ZMIZ1: variants seen among roughly 807,000 people sequenced by gnomAD.
ZMIZ1 encodes the protein zinc finger MIZ-type containing 1, also known as zinc finger MIZ domain-containing protein 1.
ZMIZ1 carries 17 observed loss-of-function variants against 113.9 expected under a neutral mutation model. The ratio of observed to expected loss-of-function variants is 0.15; its 90% CI spans 0.10 to 0.22. The LOEUF (loss-of-function observed/expected upper bound fraction) is 0.22. Among genes scored for constraint, ZMIZ1 ranks in the 10% least tolerant of loss-of-function variants. ZMIZ1 has a pLI of 1.00. For synonymous variants in ZMIZ1, 607 were observed against 603.1 expected (o/e 1.01, Z -0.09); for missense variants, 1,059 against 1,477.8 (o/e 0.72, Z 4.65).
intron 7 of ZMIZ1, among the ~76,000 whole-genome samples, chr10:79,237,550 G>A (rs541000945): frequency 6.6e-6 from 1 of 152,278 alleles, no homozygotes; most frequent in African/African-American, 2.4e-5. Context: ...CTCGCTTCTG[G>A]TAGTTTCTTG....
intron 4 of ZMIZ1, among the ~76,000 whole-genome samples, chr10:79,200,577 C>T (rs1444898182): frequency 6.6e-6 from 1 of 152,230 alleles, no homozygotes; most frequent in Non-Finnish European, 1.5e-5. Flanking sequence ...CAGTGGAAAC[C>T]GCGGGCTGGC....
chr10:79,119,218 G>A (rs1419747746), intron 2 of ZMIZ1, among the ~76,000 whole-genome samples, 194 bp downstream of exon 2: 2 of 152,206 alleles, frequency 1.3e-5, no homozygotes, highest in Non-Finnish European at 2.9e-5. Context: ...GGAGGGTGGT[G>A]AATGTCCTGA....
intron 3 of ZMIZ1, among the ~76,000 whole-genome samples, chr10:79,157,367 GGGT>G (rs869284265): frequency 6.5e-4 from 52 of 80,404 alleles, no homozygotes; most frequent in Non-Finnish European, 1.0e-3. Flanking sequence ...CAGGCATAAG[GGGT>G]GTGTGTGTGT....
At chr10:79,070,747 G>A (rs1008886658) in intron 1 of ZMIZ1, among the ~76,000 whole-genome samples, 1 of 151,884 alleles carries the variant, frequency 6.6e-6, no homozygotes. Flanking sequence ...CTGCTTCGGT[G>A]CCCGGAGCCC....
At chr10:79,191,705 T>A (rs1329588183) in intron 4 of ZMIZ1, among the ~76,000 whole-genome samples, 4 of 152,180 alleles carry the variant, frequency 2.6e-5, no homozygotes, top group South Asian at 2.1e-4. Flanking sequence ...TCTGCCATAT[T>A]CCCATGGAAA....
At chr10:79,275,352 A>C (rs2131965689) in intron 7 of ZMIZ1, among the ~76,000 whole-genome samples, 1 of 152,296 alleles carries the variant, frequency 6.6e-6, no homozygotes, top group South Asian at 2.1e-4. Context: ...TTTAAGACTT[A>C]GCTCATCCAC....
At chr10:79,074,896 G>A (rs1029409121) in intron 1 of ZMIZ1, among the ~76,000 whole-genome samples, 4 of 152,254 alleles carry the variant, frequency 2.6e-5, no homozygotes, top group Non-Finnish European at 5.9e-5. Flanking sequence ...GGCTTGGGAG[G>A]GCCCCAGGCC....
chr10:79,186,733 A>G (rs1020673599), intron 4 of ZMIZ1, among the ~76,000 whole-genome samples: 1 of 152,264 alleles, frequency 6.6e-6, no homozygotes, highest in African/African-American at 2.4e-5. Flanking sequence ...TTAAGGCAGC[A>G]GAGTGAGTTA....
intron 2 of ZMIZ1, among the ~76,000 whole-genome samples, chr10:79,122,682 TTCACACCCA>T (rs1200192365): frequency 1.3e-5 from 2 of 152,176 alleles, no homozygotes; most frequent in African/African-American, 4.8e-5. Flanking sequence ...GCGAAGTCCT[TTCACACCCA>T]TCACACCCTG....
At chr10:79,275,248 C>A (rs1852202936) in intron 7 of ZMIZ1, among the ~76,000 whole-genome samples, 1 of 152,236 alleles carries the variant, frequency 6.6e-6, no homozygotes, top group South Asian at 2.1e-4. Flanking sequence ...TCTGTGCAGA[C>A]ACACATGACA....
At chr10:79,254,217 G>C (rs1850734696) in intron 7 of ZMIZ1, among the ~76,000 whole-genome samples, 1 of 152,220 alleles carries the variant, frequency 6.6e-6, no homozygotes, top group Non-Finnish European at 1.5e-5. Context: ...CCTGTTCAGG[G>C]CCCAGCACAT....
intron 3 of ZMIZ1, among the ~76,000 whole-genome samples, chr10:79,147,716 C>G (rs149936021): frequency 1.3e-5 from 2 of 152,214 alleles, no homozygotes; most frequent in African/African-American, 2.4e-5. Context: ...AGGATGCAAC[C>G]CCTACATTGT....
intron 7 of ZMIZ1, among the ~76,000 whole-genome samples, chr10:79,229,291 C>A (rs923298403): frequency 4.6e-5 from 7 of 152,272 alleles, no homozygotes; most frequent in East Asian, 1.9e-4. Context: ...TGGAGGGAAG[C>A]AGAGCCTCCT....
chr10:79,113,792 CCCCCT>C (rs1843860737), intron 1 of ZMIZ1, among the ~76,000 whole-genome samples: 1 of 152,008 alleles, frequency 6.6e-6, no homozygotes, highest in Admixed American at 6.5e-5. Context: ...TTCCTCTGAG[CCCCCT>C]CTCCATTGAT....
At chr10:79,159,415 G>C (rs539269193) in intron 3 of ZMIZ1, among the ~76,000 whole-genome samples, 2 of 152,210 alleles carry the variant, frequency 1.3e-5, no homozygotes, top group Admixed American at 1.3e-4. Flanking sequence ...GCCCGGCGCC[G>C]TCTGGCCCTG....
intron 8 of ZMIZ1, among the ~76,000 whole-genome samples, chr10:79,281,745 G>A (rs1261357198): frequency 6.6e-6 from 1 of 152,212 alleles, no homozygotes; most frequent in Non-Finnish European, 1.5e-5. Flanking sequence ...GGAGGTGGAG[G>A]GCCTGCTAGA....
chr10:79,299,209 G>GGC lies in ZMIZ1; in HGVS notation c.1808+21_1808+22dup. 2.5e-6 allele frequency: 4 copies of GGC among 1,595,542 alleles called. No homozygotes were observed. The highest frequency in any genetic ancestry group is 3.4e-6 in the Non-Finnish European group (4 of 1,175,174). On this transcript the variant is annotated intron_variant, in intron 16 of 24. Coordinates refer to ENST00000334512, the MANE Select transcript of ZMIZ1 (RefSeq NM_020338.4). ...ATGTGGAGGTGCGTGTCAGGGCAGG[G>GGC]GCGCCAGCCCAGGCGGGATGAAGGA...
intron 6 of ZMIZ1, among the ~76,000 whole-genome samples, chr10:79,210,920 A>G (rs1240725038): frequency 1.3e-5 from 2 of 152,216 alleles, no homozygotes; most frequent in Non-Finnish European, 2.9e-5. Context: ...GGCTGGACAG[A>G]GAGGAATCCA....
intron 7 of ZMIZ1, among the ~76,000 whole-genome samples, chr10:79,269,293 A>G (rs1851793525): frequency 6.6e-6 from 1 of 152,088 alleles, no homozygotes; most frequent in Non-Finnish European, 1.5e-5. Context: ...GGAATCATGA[A>G]TCCCACTTGC....
Sources: gnomAD v4.1 joint callset for allele counts (sites outside exome capture counted in the v4.1 genomes callset) on GRCh38, gnomAD v4.1.1 for gene constraint, MANE v1.5 for transcripts, NCBI Gene and HGNC (gene_info 2026-07-23, HGNC 2026-07-21) for gene names.